The following VIRMA variants were observed in gnomAD, a reference collection of about 807,000 sequenced individuals.
The protein encoded by VIRMA is vir like m6A methyltransferase associated.
In VIRMA, 65 loss-of-function variants were observed where a neutral mutation model predicts 182.4. The ratio of observed to expected loss-of-function variants is 0.36; its 90% CI spans 0.29 to 0.44. The LOEUF is 0.44. VIRMA is among the 20% of genes least tolerant of loss of function. The pLI, the probability that VIRMA is intolerant of heterozygous loss-of-function variation, is 1.00. For missense variants in VIRMA, 1,752 were observed against 2,158.1 expected (o/e 0.81, Z 3.73); for synonymous variants, 709 against 743.1 (o/e 0.95, Z 0.75).
At chr8:94,492,242 C>T (rs1022924842) in intron 21 of VIRMA, among the ~76,000 whole-genome samples, 1 of 150,888 alleles carries the variant, frequency 6.6e-6, no homozygotes, top group Non-Finnish European at 1.5e-5. Flanking sequence ...GTTCATGATT[C>T]GAATGCTATG....
chr8:94,490,130 T>A (rs766400176), intron 22 of VIRMA, 48 bp from the exon 23 acceptor site: 2 of 1,559,188 alleles, frequency 1.3e-6, no homozygotes, highest in African/African-American at 2.8e-5. Flanking sequence ...CAACTTCAGT[T>A]GGATTCTTTT....
chr8:94,519,576 A>C, intron 8 of VIRMA, 100 bp from the exon 9 acceptor site: 2 of 1,223,660 alleles, frequency 1.6e-6, no homozygotes, highest in Non-Finnish European at 2.3e-6. Context: ...AATGACCATA[A>C]TCCTTATCCT....
rs191404667 is a variant in VIRMA, at chr8:94,544,488, G to A, written c.64-546C>T. On this transcript the variant is annotated intron_variant, in intron 1 of 23. Transcript: ENST00000297591. The stretch of plus-strand genomic sequence containing the variant: ...GAGATTGAGACCCCGGTGAAACCCC[G>A]TCTCTACTAAAAAATACAAAAAATT... 6.8e-3 allele frequency among the ~76,000 whole-genome samples: 1,032 copies of A among 151,602 alleles called. 7 individuals carry two copies. The highest frequency in any genetic ancestry group is 0.023 in the African/African-American group (955 of 41,346).
At chr8:94,498,257 T>C (rs1305395896) in intron 17 of VIRMA, 2 of 152,184 alleles carry the variant, frequency 1.3e-5, no homozygotes, top group Non-Finnish European at 1.5e-5. Flanking sequence ...GAAATCTTAA[T>C]TAAATTTTAA....
chr8:94,509,320 G>A (rs1814271337), intron 15 of VIRMA, among the ~76,000 whole-genome samples: 1 of 151,642 alleles, frequency 6.6e-6, no homozygotes, highest in Non-Finnish European at 1.5e-5. Flanking sequence ...AGAATCACTT[G>A]AACCCAGTGG....
At chr8:94,493,180 T>C (rs1813660888) in intron 20 of VIRMA, among the ~76,000 whole-genome samples, 3 of 152,230 alleles carry the variant, frequency 2.0e-5, no homozygotes, top group South Asian at 2.1e-4. Flanking sequence ...GCCAGCCTTA[T>C]ATAGTCAACA....
At chr8:94,542,831 C>T (rs530925597) in intron 2 of VIRMA, among the ~76,000 whole-genome samples, 2 of 152,284 alleles carry the variant, frequency 1.3e-5, no homozygotes, top group South Asian at 2.1e-4. Context: ...AAATAATGAA[C>T]TATTTTCCAC....
At chr8:94,515,663 C>T (rs540534747) in intron 10 of VIRMA, among the ~76,000 whole-genome samples, 7 of 152,050 alleles carry the variant, frequency 4.6e-5, no homozygotes, top group South Asian at 4.2e-4. Context: ...TGAGCCACCG[C>T]GCCCAGCTTA....
chr8:94,490,326 T>G (rs3762053), intron 22 of VIRMA, among the ~76,000 whole-genome samples: 22,396 of 152,086 alleles, frequency 0.15, 2,070 homozygotes, highest in South Asian at 0.3. Flanking sequence ...CTGACAATTT[T>G]CTCTTCTGCA....
chr8:94,505,657 A>AT (rs1013357214), intron 16 of VIRMA, among the ~76,000 whole-genome samples: 2 of 151,662 alleles, frequency 1.3e-5, no homozygotes, highest in African/African-American at 2.4e-5. Context: ...TAATTTGTAA[A>AT]TTTTTTTTAT....
rs777538913 is a variant in VIRMA at position 94,531,095 on chromosome 8, T to C, written c.485-10A>G. 6.6e-7 allele frequency: 1 copy of C among 1,521,550 alleles called. No homozygotes were observed. The highest frequency in any genetic ancestry group is 8.8e-7 in the Non-Finnish European group (1 of 1,139,154). The allele number at this position is 1,521,550 out of a possible 1,614,324, so 94.3% of individuals were successfully genotyped here. The stretch of plus-strand genomic sequence containing the variant: ...TCTTTCTCCCCATCAGCTAGTGTTT[T>C]ATGGGAGACAGAAAAAGAACTTTCA... On this transcript the variant is annotated splice_polypyrimidine_tract_variant and intron_variant, in intron 5 of 23. Coordinates refer to ENST00000297591, the MANE Select transcript of VIRMA (RefSeq NM_015496.5).
chr8:94,509,506 T>C (rs1814282662), intron 15 of VIRMA, among the ~76,000 whole-genome samples, 182 bp downstream of exon 15: 1 of 151,958 alleles, frequency 6.6e-6, no homozygotes. Context: ...TACCCAAGGT[T>C]ATGATCTTAT....
chr8:94,531,010 C>T lies in VIRMA; in HGVS notation c.560G>A (p.Gly187Glu). ...PQPRGPRTPP[G>E]PPPPDDDEDD... ...TTCATCATCATCAGGTGGAGGGGGT[C>T]CTGGAGGAGTTCTTGGTCCCCTTGG... is the stretch of plus-strand genomic sequence containing the variant. Residue 187 changes from glycine to glutamate, a missense_variant, in exon 6 of 24, where the codon GGA (glycine) becomes GAA (glutamate). By Grantham distance (98) the Gly-to-Glu change is moderately conservative. This residue lies in a region of VIRMA where 114 missense variants were observed against 106.9 expected (regional missense o/e 1.07). Coordinates refer to ENST00000297591, the MANE Select transcript of VIRMA (RefSeq NM_015496.5). The T allele has an allele frequency of 6.2e-7, 1 of 1,602,658 alleles. No individual in the cohort carries two copies. The highest frequency in any genetic ancestry group is 1.7e-4 in the Middle Eastern group (1 of 5,998).
chr8:94,523,658 C>T (rs1814851541), intron 8 of VIRMA, among the ~76,000 whole-genome samples: 1 of 151,838 alleles, frequency 6.6e-6, no homozygotes, highest in South Asian at 2.1e-4. Flanking sequence ...GACGGAGTTT[C>T]GCTCTTGTCG....
chr8:94,509,401 C>CAA (rs113098045), intron 15 of VIRMA, among the ~76,000 whole-genome samples: 115 of 109,038 alleles, frequency 1.1e-3, no homozygotes, highest in Middle Eastern at 5.6e-3. Flanking sequence ...GACCCCATCT[C>CAA]AAAAAAAAAA....
Position 94,523,077 on chromosome 8 carries a change from G to T in VIRMA, c.2021+3146C>A, listed in dbSNP as rs1814831192. Among the ~76,000 whole-genome samples the T allele has an allele frequency of 2.0e-5, 3 of 152,062 alleles. No individual in the cohort carries two copies. The South Asian group carries it at 6.2e-4, about 31-fold the overall frequency. On this transcript the variant is annotated intron_variant, in intron 8 of 23. Coordinates refer to ENST00000297591, the MANE Select transcript of VIRMA (RefSeq NM_015496.5). ...CACCTATTCTACTAAAAATAAAGTT[G>T]TTAGTAAGAAGTATTTAAATTTCTT... is the stretch of plus-strand genomic sequence containing the variant.
rs1234347313 is a variant in VIRMA at position 94,553,378 on chromosome 8, G to A, written c.63+7C>T. ...AGCAGCGTCAGAATCAAGTCGCCAA[G>A]CCTTACCTCAGCGCTCGGGTGTTTA... is the stretch of plus-strand genomic sequence containing the variant. On this transcript the variant is annotated splice_region_variant and intron_variant, in intron 1 of 23. Transcript: ENST00000297591. 1.2e-6 allele frequency: 2 copies of A among 1,613,752 alleles called. No homozygotes were observed. The highest frequency in any genetic ancestry group is 1.7e-6 in the Non-Finnish European group (2 of 1,179,736).
intron 3 of VIRMA, among the ~76,000 whole-genome samples, 183 bp downstream of exon 3, chr8:94,538,077 A>G (rs1390571054): frequency 6.6e-6 from 1 of 152,214 alleles, no homozygotes; most frequent in African/African-American, 2.4e-5. Context: ...TTAAATTTTT[A>G]TTTTATAAAT....
intron 15 of VIRMA, among the ~76,000 whole-genome samples, chr8:94,508,872 G>A (rs1039213407): frequency 1.3e-5 from 2 of 151,270 alleles, no homozygotes; most frequent in African/African-American, 4.9e-5. Flanking sequence ...AATGCCATTA[G>A]GCATAGAAAT....
Sources: allele counts gnomAD v4.1 joint callset (sites outside exome capture counted in the v4.1 genomes callset), GRCh38; gene constraint gnomAD v4.1.1; regional missense constraint gnomAD v4.1.1; transcripts MANE v1.5; gene names NCBI Gene and HGNC (gene_info 2026-07-23, HGNC 2026-07-21).